ATP11B: variants seen among roughly 807,000 people sequenced by gnomAD.
ATP11B encodes phospholipid-transporting ATPase IF.
ATP11B carries 81 observed loss-of-function variants against 157.8 expected under a neutral mutation model. That is an observed-to-expected ratio of 0.51 (90% confidence interval 0.43 to 0.62). The LOEUF is 0.62. Ranked by LOEUF, ATP11B falls within the 20% of genes least tolerant of loss-of-function variation. The pLI, the probability that ATP11B is intolerant of heterozygous loss-of-function variation, is 0.00. For missense variants in ATP11B, 1,165 were observed against 1,402.2 expected, an observed-to-expected ratio of 0.83 and a Z score of 2.70; for synonymous variants, 451 against 469.4, an observed-to-expected ratio of 0.96 and a Z score of 0.51.
chr3:182,833,445 C>T (rs1718300178), intron 4 of ATP11B, among the ~76,000 whole-genome samples: 1 of 152,114 alleles, frequency 6.6e-6, no homozygotes, highest in Admixed American at 6.5e-5. Context: ...TCCACCTCAG[C>T]CTACCAAATA....
intron 29 of ATP11B, chr3:182,915,007 G>A (rs566603635): frequency 2.6e-4 from 255 of 985,296 alleles, no homozygotes; most frequent in Non-Finnish European, 3.0e-4. Flanking sequence ...GCTTGGAAAA[G>A]GTTGGAAATT....
At chr3:182,798,550 G>C (rs1203277725) in intron 1 of ATP11B, among the ~76,000 whole-genome samples, 3 of 152,190 alleles carry the variant, frequency 2.0e-5, no homozygotes, top group Non-Finnish European at 4.4e-5. Context: ...TTTTGCATTT[G>C]GTTAGGAAGA....
intron 25 of ATP11B, among the ~76,000 whole-genome samples, chr3:182,893,324 CT>C (rs1420005425): frequency 6.6e-6 from 1 of 151,910 alleles, no homozygotes; most frequent in Non-Finnish European, 1.5e-5. Context: ...AATGTGTAGT[CT>C]TTTATTCCTC....
intron 10 of ATP11B, 56 bp downstream of exon 10, chr3:182,848,613 CG>C: frequency 1.1e-6 from 1 of 928,810 alleles, no homozygotes; most frequent in Non-Finnish European, 1.5e-6. Context: ...ATTTTTTATT[CG>C]TTTGGTATAA....
intron 12 of ATP11B, among the ~76,000 whole-genome samples, chr3:182,862,377 G>C (rs1431790112): frequency 6.6e-6 from 1 of 152,130 alleles, no homozygotes; most frequent in Non-Finnish European, 1.5e-5. Context: ...GACAGGCCCA[G>C]CAGGTAATAT....
chr3:182,797,773 A>G (rs1238676241), intron 1 of ATP11B, among the ~76,000 whole-genome samples: 1 of 152,144 alleles, frequency 6.6e-6, no homozygotes, highest in Non-Finnish European at 1.5e-5. Flanking sequence ...TTGAGATATT[A>G]TAATATTTTA....
Position 182,919,394 on chromosome 3 carries a change from A to C in ATP11B, c.*1290A>C, listed in dbSNP as rs565891552. On this transcript the variant is annotated 3_prime_UTR_variant, in exon 30 of 30. Transcript: ENST00000323116. Reference sequence around the variant, plus strand: ...TGATTAATCGGGTACATGTTACTGTAATTAACTCATTGCACTTCAAAACCT... The same window carrying C: ...TGATTAATCGGGTACATGTTACTGTCATTAACTCATTGCACTTCAAAACCT... 3 of 152,748 alleles carry C rather than the reference A, an allele frequency of 2.0e-5. No individual in the cohort carries two copies. In the South Asian group the frequency reaches 6.2e-4, roughly 32 times the overall value. The allele number at this position is 152,748 out of a possible 1,614,324, so 9.5% of individuals were successfully genotyped here. A position where few individuals can be genotyped will look rare whatever the true frequency, so the allele number is the denominator to read the frequency against.
chr3:182,826,614 C>A (rs1717738898), intron 2 of ATP11B, among the ~76,000 whole-genome samples: 1 of 152,166 alleles, frequency 6.6e-6, no homozygotes, highest in Non-Finnish European at 1.5e-5. Context: ...TACTTCCCAT[C>A]CTCAGATTCT....
chr3:182,830,123 G>A (rs1718019753), intron 4 of ATP11B: 1 of 236,974 alleles, frequency 4.2e-6, no homozygotes, highest in Non-Finnish European at 6.9e-6. Flanking sequence ...ATAGAGAGCA[G>A]GGTATATACT....
At chr3:182,878,487 G>C (rs1722199487) in intron 19 of ATP11B, among the ~76,000 whole-genome samples, 1 of 152,204 alleles carries the variant, frequency 6.6e-6, no homozygotes, top group South Asian at 2.1e-4. Flanking sequence ...CATCAAGAAA[G>C]TATTATTACC....
At chr3:182,840,095 C>T (rs1718888458) in intron 7 of ATP11B, among the ~76,000 whole-genome samples, 1 of 152,162 alleles carries the variant, frequency 6.6e-6, no homozygotes, top group South Asian at 2.1e-4. Context: ...CCTTTCCATA[C>T]TTGACTCCTT....
chr3:182,885,903 T>G, intron 22 of ATP11B, 48 bp from the exon 23 acceptor site: 1 of 1,321,968 alleles, frequency 7.6e-7, no homozygotes, highest in Non-Finnish European at 1.0e-6. Context: ...TATTTTGTCT[T>G]TGAAACCTAA....
At chr3:182,830,661 T>A (rs1488056413) in intron 4 of ATP11B, among the ~76,000 whole-genome samples, 1 of 152,174 alleles carries the variant, frequency 6.6e-6, no homozygotes, top group Non-Finnish European at 1.5e-5. Flanking sequence ...AAGGCATAAA[T>A]TGACATGGAA....
intron 29 of ATP11B, chr3:182,914,798 A>T: frequency 1.0e-6 from 1 of 985,412 alleles, no homozygotes; most frequent in Non-Finnish European, 1.2e-6. Context: ...CCCAAGAGTT[A>T]TATCACTATT....
In ATP11B at chr3:182,820,308, A is replaced by G; in HGVS notation, c.76A>G (p.Asn26Asp). The change falls in exon 2 of 30, where the codon AAC becomes GAC. Residue 26 changes from asparagine (N) to aspartate (D), a missense_variant. Asn to Asp is a conservative substitution (Grantham distance 23, BLOSUM62 1). Coordinates refer to ENST00000323116, the MANE Select transcript of ATP11B (RefSeq NM_014616.3). ...QSDTRTIYVA[N>D]RFPQNGLYTP... Reference sequence around the variant, plus strand: ...TGACACAAGAACCATCTACGTAGCCAACAGGTTTCCTCAGAATGGCCTTTA... The same window carrying G: ...TGACACAAGAACCATCTACGTAGCCGACAGGTTTCCTCAGAATGGCCTTTA... The G allele has an allele frequency of 1.9e-6, 3 of 1,614,216 alleles. No homozygotes were observed. Among genetic ancestry groups the G allele is most frequent in the Non-Finnish European group, 2.5e-6 (3 of 1,180,012 alleles).
chr3:182,901,891 G>A (rs1723994711), intron 28 of ATP11B, among the ~76,000 whole-genome samples: 1 of 151,970 alleles, frequency 6.6e-6, no homozygotes, highest in Admixed American at 6.6e-5. Flanking sequence ...TTATCTATGT[G>A]TAAAAGCTAG....
In ATP11B at chr3:182,884,881, C is replaced by T; in HGVS notation, c.2638C>T (p.Gln880Ter). The change falls in exon 22 of 30, where the codon CAG becomes TAG. Residue 880 changes from glutamine (Q) to a stop codon, truncating the protein, a stop_gained. Coordinates refer to ENST00000323116, the MANE Select transcript of ATP11B (RefSeq NM_014616.3). LOFTEE classifies it high-confidence loss of function. ...TTATATTAGAATAGCTACCCTTGTACAGTATTTTTTTTATAAGGTGAGTTT... is the reference window on the plus strand; with the variant it reads ...TTATATTAGAATAGCTACCCTTGTATAGTATTTTTTTTATAAGGTGAGTTT... ...FYYIRIATLV[Q>*]YFFYKNVCFI... is the part of the protein sequence containing the mutation. 2 of 1,453,978 alleles carry T rather than the reference C, an allele frequency of 1.4e-6. No individual in the cohort carries two copies. Among genetic ancestry groups the T allele is most frequent in the Non-Finnish European group, 1.9e-6 (2 of 1,068,850 alleles). The allele number at this position is 1,453,978 out of a possible 1,614,324, so 90.1% of individuals were successfully genotyped here.
At position 182,828,210 on chromosome 3, in the gene ATP11B, G is replaced by T; in HGVS notation, c.234+1G>T. 1 of 1,392,342 alleles carries T rather than the reference G, an allele frequency of 7.2e-7. No homozygotes were observed. The highest frequency in any genetic ancestry group is 1.4e-5 in the South Asian group (1 of 70,700). 86.2% of individuals were successfully genotyped at this position (1,392,342 alleles called of 1,614,324 possible). ...TTTTCTTATTATATTTTTGGTTCAGGTAAGCTTTATTACTCAATCTTAAGT... is the reference window on the plus strand; with the variant it reads ...TTTTCTTATTATATTTTTGGTTCAGTTAAGCTTTATTACTCAATCTTAAGT... On this transcript the variant is annotated splice_donor_variant, in intron 3 of 29. Transcript: ENST00000323116. LOFTEE classifies it high-confidence loss of function.
At chr3:182,916,805 G>A (rs1317157722) in intron 29 of ATP11B, 2 of 985,030 alleles carry the variant, frequency 2.0e-6, no homozygotes, top group Non-Finnish European at 2.4e-6. Flanking sequence ...ATAAAGTATT[G>A]GCAGTTTGGA....
Sources: gnomAD v4.1 joint callset for allele counts (sites outside exome capture counted in the v4.1 genomes callset) on GRCh38, gnomAD v4.1.1 for gene constraint, MANE v1.5 for transcripts, NCBI Gene and HGNC (gene_info 2026-07-23, HGNC 2026-07-21) for gene names.